TASOR2: variants seen among roughly 807,000 people sequenced by gnomAD.
The protein encoded by TASOR2 is protein TASOR 2.
Under a neutral mutation model 199.5 loss-of-function variants are expected in TASOR2, and 84 were observed. The ratio of observed to expected loss-of-function variants is 0.42; its 90% confidence interval spans 0.35 to 0.50. The LOEUF (loss-of-function observed/expected upper bound fraction) is 0.50, where lower values mean the gene tolerates loss of function less well. TASOR2 is among the 20% of genes least tolerant of loss of function. The pLI is 0.02. For missense variants in TASOR2, 2,796 were observed against 2,835.9 expected (o/e 0.99, Z 0.32); for synonymous variants, 1,103 against 1,046.6 (o/e 1.05, Z -1.04).
rs116557830 is a variant in TASOR2 at position 5,712,745 on chromosome 10, A to T, written c.-287-78A>T. 4.8e-5 allele frequency: 39 copies of T among 804,538 alleles called. No homozygotes were observed. The African/African-American group carries it at 5.7e-4, about 12-fold the overall frequency. 49.8% of individuals were successfully genotyped at this position (804,538 alleles called of 1,614,324 possible). A position where few individuals can be genotyped will look rare whatever the true frequency, so the allele number is the denominator to read the frequency against. On this transcript the variant is annotated intron_variant, in intron 1 of 20. Coordinates refer to ENST00000328090, the Ensembl canonical transcript of TASOR2. The stretch of plus-strand genomic sequence containing the variant: ...TAGTCTTAATGGCAGGAAGAATTCA[A>T]ATGATGCATTTTTAAAAATTTGCAA...
chr10:5,707,976 A>G (rs1831339336), intron 1 of TASOR2, among the ~76,000 whole-genome samples: 1 of 152,072 alleles, frequency 6.6e-6, no homozygotes, highest in South Asian at 2.1e-4. Context: ...CCCTACATAA[A>G]CAACCTCCTT....
intron 1 of TASOR2, among the ~76,000 whole-genome samples, chr10:5,694,607 T>A (rs1438136900): frequency 6.6e-6 from 1 of 152,244 alleles, no homozygotes; most frequent in Non-Finnish European, 1.5e-5. Flanking sequence ...TTCTCCTGAA[T>A]AATTTATGGT....
chr10:5,727,300 G>A (rs1246207825), intron 10 of TASOR2, among the ~76,000 whole-genome samples, 177 bp downstream of exon 11: 1 of 152,122 alleles, frequency 6.6e-6, no homozygotes, highest in African/African-American at 2.4e-5. Context: ...GCTTCCCTCT[G>A]AGCCTCAGTC....
At chr10:5,686,724 A>G (rs1467861930) in intron 1 of TASOR2, among the ~76,000 whole-genome samples, 2 of 152,264 alleles carry the variant, frequency 1.3e-5, no homozygotes, top group Non-Finnish European at 2.9e-5. Context: ...TGAAAGTAAC[A>G]TTCTGTTTTA....
At chr10:5,718,402 A>AC (rs1564287781) in intron 3 of TASOR2, among the ~76,000 whole-genome samples, 1 of 151,070 alleles carries the variant, frequency 6.6e-6, no homozygotes, top group Non-Finnish European at 1.5e-5. Context: ...TAAAAAAAAA[A>AC]AAAAAACAAG....
In TASOR2 at chr10:5,740,040, A is replaced by C. The variant is rs1254224555; in HGVS notation, c.1870A>C (p.Ser624Arg). The stretch of plus-strand genomic sequence containing the variant: ...AGATGAAGAAAGCTTGGTTCCTTGT[A>C]GTCAGGCCCCTGCTAAAGCCCAGTC... Residue 624 changes from serine to arginine, a missense_variant, in exon 13 of 21, where the codon AGT becomes CGT. Around this residue, in one of 3 missense-constraint regions of TASOR2, gnomAD observed 847 missense variants for 887.4 expected, o/e 0.95. Coordinates refer to ENST00000328090, the Ensembl canonical transcript of TASOR2. The surrounding 1 kb of genome is among the most constrained non-coding windows in gnomAD (Gnocchi z 5.3). 1.2e-6 allele frequency: 2 copies of C among 1,614,102 alleles called. No individual in the cohort carries two copies. The highest frequency in any genetic ancestry group is 1.7e-6 in the Non-Finnish European group (2 of 1,180,044).
In TASOR2 at chr10:5,749,336, A is replaced by G. The variant is rs200658639; in HGVS notation, c.5915A>G (p.Gln1972Arg). The change falls in exon 15 of 21, where the codon CAG becomes CGG. Residue 1972 changes from glutamine (Q) to arginine (R), a missense_variant. Transcript: ENST00000328090. The stretch of plus-strand genomic sequence containing the variant: ...TGGCAGGTGGCAGACGACCTCACCC[A>G]GAACACTTTAGACCTGGAGTATCTG... 937 of 1,614,132 alleles carry G rather than the reference A, an allele frequency of 5.8e-4. No individual in the cohort carries two copies. The highest frequency in any genetic ancestry group is 7.3e-4 in the Non-Finnish European group (858 of 1,180,058).
chr10:5,756,325 T>G (rs1838940365), intron 15 of TASOR2, among the ~76,000 whole-genome samples: 1 of 152,242 alleles, frequency 6.6e-6, no homozygotes, highest in Non-Finnish European at 1.5e-5. Flanking sequence ...TCAAGGTAGC[T>G]CATGCCTTGA....
At chr10:5,727,203 G>A (rs1481801332) in intron 10 of TASOR2, 80 bp downstream of exon 11, 14 of 1,437,300 alleles carry the variant, frequency 9.7e-6, no homozygotes, top group Admixed American at 1.7e-5. Context: ...TCAGCAGCAC[G>A]TGACACTGTT....
intron 2 of TASOR2, among the ~76,000 whole-genome samples, chr10:5,714,980 A>C (rs1794002412): frequency 6.6e-6 from 1 of 152,150 alleles, no homozygotes; most frequent in Admixed American, 6.5e-5. Flanking sequence ...TGGAAAGAGA[A>C]GATGGCAAAA....
exon 15 of TASOR2, chr10:5,747,268 G>C: frequency 1.2e-6 from 2 of 1,614,134 alleles, no homozygotes; most frequent in Middle Eastern, 3.3e-4. Flanking sequence ...TTCTGACATT[G>C]ACTTAGCTCT....
rs116551821 is a variant in TASOR2 at position 5,741,897 on chromosome 10, C to T, written c.2328-200C>T. Among the ~76,000 whole-genome samples, 5 of 152,214 alleles carry T rather than the reference C, an allele frequency of 3.3e-5. No individual in the cohort carries two copies. The South Asian group carries it at 6.2e-4, about 19-fold the overall frequency. ...ATTACATGTTCTGATTCTCAGTTCCCGTCTCTGTAAAATGAGTGGGTTAGA... is the reference window on the plus strand; with the variant it reads ...ATTACATGTTCTGATTCTCAGTTCCTGTCTCTGTAAAATGAGTGGGTTAGA... On this transcript the variant is annotated intron_variant, in intron 13 of 20. Transcript: ENST00000328090.
In TASOR2 at chr10:5,699,433, A is replaced by C. The variant is rs1837539531; in HGVS notation, c.-287-13390A>C. 6.6e-6 allele frequency: 1 copy of C among 152,208 alleles called. No homozygotes were observed. The highest frequency in any genetic ancestry group is 1.5e-5 in the Non-Finnish European group (1 of 68,012). 9.4% of individuals were successfully genotyped at this position (152,208 alleles called of 1,614,324 possible). On this transcript the variant is annotated intron_variant, in intron 1 of 20. Coordinates refer to ENST00000328090, the Ensembl canonical transcript of TASOR2. This position sits in a 1 kb window ranked among gnomAD's most constrained non-coding sequence, Gnocchi z 4.1. Reference sequence around the variant, plus strand: ...GCACAATTCTGTGGATATACTAAGCACAATTCTGTGGATATACTAAAAGCA... The same window carrying C: ...GCACAATTCTGTGGATATACTAAGCCCAATTCTGTGGATATACTAAAAGCA...
At position 5,740,645 on chromosome 10, in the gene TASOR2, C is replaced by T. The variant is rs1836277627; in HGVS notation, c.2327+148C>T. On this transcript the variant is annotated intron_variant, in intron 13 of 20. Coordinates refer to ENST00000328090, the Ensembl canonical transcript of TASOR2. This position sits in a 1 kb window ranked among gnomAD's most constrained non-coding sequence, Gnocchi z 5.3. Reference sequence around the variant, plus strand: ...TAATTTGATAATAACATCAAGCAAACATGTTTCCTGGCAATTAAGAGTAAC... The same window carrying T: ...TAATTTGATAATAACATCAAGCAAATATGTTTCCTGGCAATTAAGAGTAAC... 6.9e-6 allele frequency: 6 copies of T among 867,120 alleles called. No individual in the cohort carries two copies. The highest frequency in any genetic ancestry group is 1.0e-5 in the Non-Finnish European group (6 of 582,012). The allele number at this position is 867,120 out of a possible 1,614,324, so 53.7% of individuals were successfully genotyped here.
chr10:5,702,125 C>T (rs1302154712), intron 1 of TASOR2, among the ~76,000 whole-genome samples: 1 of 152,062 alleles, frequency 6.6e-6, no homozygotes, highest in Non-Finnish European at 1.5e-5. Flanking sequence ...ACTTGAGATA[C>T]GTTCCTTCCA....
At chr10:5,725,354 G>C (rs1282526966) in intron 8 of TASOR2, among the ~76,000 whole-genome samples, 2 of 138,560 alleles carry the variant, frequency 1.4e-5, no homozygotes, top group Non-Finnish European at 3.0e-5. Context: ...TCGCGCAGCT[G>C]CACTCCAGCC....
In TASOR2 at chr10:5,701,134, G is replaced by C. The variant is rs1236886483; in HGVS notation, c.-287-11689G>C. 1.3e-5 allele frequency among the ~76,000 whole-genome samples: 2 copies of C among 152,078 alleles called. No homozygotes were observed. Among genetic ancestry groups the C allele is most frequent in the Non-Finnish European group, 2.9e-5 (2 of 67,988 alleles). On this transcript the variant is annotated intron_variant, in intron 1 of 20. Transcript: ENST00000328090. The surrounding 1 kb of genome is among the most constrained non-coding windows in gnomAD (Gnocchi z 4.9). ...AGTTTTGGGTCTTAGATGCTTAGAT[G>C]TAAGTCTTAAATCCATTTTGATTTG...
In TASOR2 at chr10:5,742,241, G is replaced by T; in HGVS notation, c.2472G>T (p.Val824=). ...AACACAGCAACCCAGCAAAATATGT[G>T]TCTATAAATAGCACGTTAGAATCTT... is the stretch of plus-strand genomic sequence containing the variant. The change falls in exon 14 of 21, where the codon GTG becomes GTT. Residue 824 remains valine, a synonymous_variant. Transcript: ENST00000328090. The surrounding 1 kb of genome is among the most constrained non-coding windows in gnomAD (Gnocchi z 4.2). The T allele has an allele frequency of 6.2e-7, 1 of 1,614,146 alleles. No individual in the cohort carries two copies. Among genetic ancestry groups the T allele is most frequent in the South Asian group, 1.1e-5 (1 of 91,084 alleles).
chr10:5,704,862 A>G (rs1329451975), intron 1 of TASOR2, among the ~76,000 whole-genome samples: 2 of 152,158 alleles, frequency 1.3e-5, no homozygotes, highest in African/African-American at 4.8e-5. Context: ...GGCTTTTGAG[A>G]TTAACTTTTT....
Sources: allele counts gnomAD v4.1 joint callset (sites outside exome capture counted in the v4.1 genomes callset), GRCh38; gene constraint gnomAD v4.1.1; regional missense constraint gnomAD v4.1.1; non-coding constraint Gnocchi (gnomAD v3.1); transcripts MANE v1.5; gene names NCBI Gene and HGNC (gene_info 2026-07-23, HGNC 2026-07-21).